TMEM45B: variants seen among roughly 807,000 people sequenced by gnomAD.
The protein encoded by TMEM45B is transmembrane protein 45B.
A neutral mutation model predicts 27.3 loss-of-function variants in TMEM45B; 29 were observed. That is an observed-to-expected ratio of 1.06 (90% CI 0.79 to 1.45). TMEM45B has a LOEUF of 1.45. Among genes scored for constraint, TMEM45B ranks in the 40% most tolerant of loss-of-function variants. The probability of loss-of-function intolerance (pLI) is 0.00; values close to 1 mark genes in which losing one functional copy is unlikely to be tolerated. For missense variants in TMEM45B, 348 were observed against 343.9 expected (o/e 1.01, Z -0.09); for synonymous variants, 143 against 134.7 (o/e 1.06, Z -0.43).
At position 129,855,302 on chromosome 11, in the gene TMEM45B, AGGGG is replaced by A. The variant is rs1210069400; in HGVS notation, c.386-405_386-402del. On this transcript the variant is annotated intron_variant, in intron 3 of 5. Transcript: ENST00000281441. ...GCCTCAGGAGACCCACTCCACTGCC[AGGGG>A]AGCGCTGCCAGTATGACTCACACTG... Among the ~76,000 whole-genome samples the A allele has an allele frequency of 1.7e-3, 252 of 152,234 alleles. 1 individual carries two copies. The highest frequency in any genetic ancestry group is 5.7e-3 in the African/African-American group (237 of 41,538).
intron 1 of TMEM45B, among the ~76,000 whole-genome samples, chr11:129,832,069 A>T (rs1426063682): frequency 7.2e-6 from 1 of 137,952 alleles, no homozygotes; most frequent in African/African-American, 2.7e-5. Context: ...CCATCTCAAA[A>T]AAAAAAAAAA....
intron 1 of TMEM45B, among the ~76,000 whole-genome samples, chr11:129,816,657 G>A (rs11824331): frequency 2.4e-3 from 362 of 150,756 alleles, no homozygotes; most frequent in African/African-American, 8.0e-3. Context: ...GGGAAACGTA[G>A]CACTTTAAGA....
intron 5 of TMEM45B, 34 bp downstream of exon 5, chr11:129,857,492 T>A: frequency 1.2e-6 from 2 of 1,612,554 alleles, no homozygotes; most frequent in Non-Finnish European, 1.7e-6. Context: ...CTTTTCCTCC[T>A]AACTCTAAGC....
intron 1 of TMEM45B, among the ~76,000 whole-genome samples, chr11:129,832,198 G>A (rs564381252): frequency 4.6e-5 from 7 of 151,176 alleles, no homozygotes; most frequent in East Asian, 3.9e-4. Flanking sequence ...GTGAAACCCC[G>A]TTTCTACTAA....
Position 129,823,472 on chromosome 11 carries a change from C to T in TMEM45B, c.-9+7574C>T, listed in dbSNP as rs531255034. On this transcript the variant is annotated intron_variant, in intron 1 of 5. Transcript: ENST00000281441. The stretch of plus-strand genomic sequence containing the variant: ...AACTCCCTGACAGCACAGGCCCAGG[C>T]TTGTCACCCCTGCAACTCCATCTCC... Among the ~76,000 whole-genome samples, 118 of 152,288 alleles carry T rather than the reference C, an allele frequency of 7.7e-4. 3 individuals are homozygous for T. The South Asian group carries it at 0.024, about 31-fold the overall frequency.
intron 1 of TMEM45B, among the ~76,000 whole-genome samples, chr11:129,826,276 G>A (rs142333542): frequency 0.015 from 2,346 of 151,980 alleles, 49 homozygotes; most frequent in African/African-American, 0.051. Context: ...GAGGCCGGGC[G>A]CGGTGGCTCA....
chr11:129,817,851 T>C (rs1405120350), intron 1 of TMEM45B, among the ~76,000 whole-genome samples: 13 of 152,358 alleles, frequency 8.5e-5, no homozygotes, highest in Middle Eastern at 3.4e-3. Context: ...GATTATCTCT[T>C]TTCCTCAAAT....
At chr11:129,834,228 C>T (rs1299674422) in intron 1 of TMEM45B, among the ~76,000 whole-genome samples, 7 of 151,310 alleles carry the variant, frequency 4.6e-5, no homozygotes, top group African/African-American at 1.7e-4. Flanking sequence ...GTCAGGAGTT[C>T]GAGACCAGCC....
At chr11:129,830,805 G>A (rs150348746) in intron 1 of TMEM45B, among the ~76,000 whole-genome samples, 2,349 of 152,328 alleles carry the variant, frequency 0.015, 49 homozygotes, top group African/African-American at 0.051. Context: ...ACAAGTGTTG[G>A]CAAAGATGTG....
At chr11:129,837,277 G>A (rs1014107289) in intron 1 of TMEM45B, among the ~76,000 whole-genome samples, 1 of 151,686 alleles carries the variant, frequency 6.6e-6, no homozygotes, top group Non-Finnish European at 1.5e-5. Context: ...AGAGTGAGGG[G>A]TTTCTTTTTT....
rs748437950 is a variant in TMEM45B, at chr11:129,854,674, G to A, written c.243G>A (p.Trp81Ter). The change falls in exon 3 of 6, where the codon TGG (tryptophan) becomes TGA (stop). Residue 81 changes from tryptophan (W) to a stop codon, truncating the protein, a stop_gained. Transcript: ENST00000281441. LOFTEE classifies it high-confidence loss of function. ...PHLHLYHENH[W>*]IKLMNWQHST... ...TGCACCTCTACCATGAGAACCACTG[G>A]ATAAAGTTAATGAATTGGCAGCACA... is the stretch of plus-strand genomic sequence containing the variant. 12 of 1,614,084 alleles carry A rather than the reference G, an allele frequency of 7.4e-6. No individual in the cohort carries two copies. The East Asian group carries it at 2.4e-4, about 33-fold the overall frequency.
intron 1 of TMEM45B, among the ~76,000 whole-genome samples, chr11:129,844,485 A>T (rs533728231): frequency 6.6e-6 from 1 of 152,278 alleles, no homozygotes; most frequent in East Asian, 1.9e-4. Context: ...CAAACATTCA[A>T]GACCAGCCTG....
intron 1 of TMEM45B, among the ~76,000 whole-genome samples, chr11:129,822,182 G>A (rs1345230696): frequency 6.6e-6 from 1 of 152,030 alleles, no homozygotes; most frequent in Non-Finnish European, 1.5e-5. Context: ...CGAGAGGTGT[G>A]GTCTTCTGAA....
At chr11:129,851,630 T>A (rs1016958250) in intron 1 of TMEM45B, among the ~76,000 whole-genome samples, 2 of 149,122 alleles carry the variant, frequency 1.3e-5, no homozygotes, top group Non-Finnish European at 3.0e-5. Flanking sequence ...ACCACAGCAA[T>A]CACCAACAAC....
intron 1 of TMEM45B, among the ~76,000 whole-genome samples, chr11:129,838,271 G>T (rs555133691): frequency 6.6e-6 from 1 of 152,218 alleles, no homozygotes; most frequent in Admixed American, 6.5e-5. Context: ...AGGCTTGGTT[G>T]TGGGGCCATC....
chr11:129,848,814 T>G (rs1238229186), intron 1 of TMEM45B, among the ~76,000 whole-genome samples: 2 of 152,202 alleles, frequency 1.3e-5, no homozygotes, highest in Admixed American at 1.3e-4. Flanking sequence ...AAGGCACTGG[T>G]ATGTGGTGTC....
Position 129,833,787 on chromosome 11 carries a change from GA to G in TMEM45B, c.-9+17891del, listed in dbSNP as rs569831170. ...CAAACCTGTGTCTGAAATAAAAAAG[GA>G]ACTTTAGACACAGACACACACCGAA... On this transcript the variant is annotated intron_variant, in intron 1 of 5. Coordinates refer to ENST00000281441, the MANE Select transcript of TMEM45B (RefSeq NM_138788.5). 1.6e-3 allele frequency among the ~76,000 whole-genome samples: 240 copies of G among 152,160 alleles called. 1 individual carries two copies. The highest frequency in any genetic ancestry group is 5.4e-3 in the African/African-American group (225 of 41,502).
rs529418198 is a variant in TMEM45B, at chr11:129,833,723, C to T, written c.-9+17825C>T. 8.6e-5 allele frequency among the ~76,000 whole-genome samples: 13 copies of T among 151,568 alleles called. No individual in the cohort carries two copies. The East Asian group carries it at 2.2e-3, about 25-fold the overall frequency. ...CCAGAAGGCGGAGGTTGCAGTGAGC[C>T]GAGATTGTGCCACTGCACTCCAGCC... is the stretch of plus-strand genomic sequence containing the variant. On this transcript the variant is annotated intron_variant, in intron 1 of 5. Transcript: ENST00000281441.
chr11:129,840,946 T>TAAAAAAAAAAAAAAAAAAAA (rs55905045), intron 1 of TMEM45B, among the ~76,000 whole-genome samples: 1 of 29,274 alleles, frequency 3.4e-5, no homozygotes, highest in Non-Finnish European at 6.9e-5. Flanking sequence ...TTTCTTTCTG[T>TAAAAAAAAAAAAAAAAAAAA]AAAAAAAAAA....
Sources: allele counts gnomAD v4.1 joint callset (sites outside exome capture counted in the v4.1 genomes callset), GRCh38; gene constraint gnomAD v4.1.1; transcripts MANE v1.5; gene names NCBI Gene and HGNC (gene_info 2026-07-23, HGNC 2026-07-21).